Variants in FSTL5 observed in about 807,000 individuals in gnomAD.
FSTL5 encodes follistatin like 5.
FSTL5 carries 62 observed loss-of-function variants against 89.1 expected under a neutral mutation model. That is an observed-to-expected ratio of 0.70 (90% CI 0.57 to 0.86). The LOEUF is 0.86. Among genes scored for constraint, FSTL5 ranks in the 40% least tolerant of loss-of-function variants. The pLI is 0.00. For missense variants in FSTL5, 1,057 were observed against 1,001.6 expected, an observed-to-expected ratio of 1.06 and a Z score of -0.75; for synonymous variants, 383 against 346.2, an observed-to-expected ratio of 1.11 and a Z score of -1.18.
intron 6 of FSTL5, among the ~76,000 whole-genome samples, chr4:161,685,120 T>C (rs1560788762): frequency 2.0e-5 from 3 of 152,196 alleles, no homozygotes; most frequent in Non-Finnish European, 2.9e-5. Flanking sequence ...CCTATTTTTA[T>C]ACCAGTAACA....
At chr4:161,681,739 A>T (rs545774933) in intron 6 of FSTL5, among the ~76,000 whole-genome samples, 112 of 152,268 alleles carry the variant, frequency 7.4e-4, no homozygotes, top group Non-Finnish European at 1.4e-3. Context: ...ACCTAAATTT[A>T]ATTTAATAAA....
At chr4:161,396,317 T>C (rs1264334443) in intron 15 of FSTL5, among the ~76,000 whole-genome samples, 1 of 151,886 alleles carries the variant, frequency 6.6e-6, no homozygotes, top group Non-Finnish European at 1.5e-5. Context: ...GCAACAAGAA[T>C]ATTTCTTTAA....
chr4:161,596,240 T>C (rs902219614), intron 7 of FSTL5, among the ~76,000 whole-genome samples: 1 of 151,856 alleles, frequency 6.6e-6, no homozygotes, highest in South Asian at 2.1e-4. Context: ...TTAAATAATA[T>C]GTTTAATTTG....
At chr4:161,655,769 T>C (rs1736494056) in intron 7 of FSTL5, among the ~76,000 whole-genome samples, 1 of 152,052 alleles carries the variant, frequency 6.6e-6, no homozygotes, top group South Asian at 2.1e-4. Flanking sequence ...AAGCGTTCTG[T>C]AAGATAATAG....
intron 4 of FSTL5, among the ~76,000 whole-genome samples, chr4:161,816,063 G>A (rs1197825387): frequency 6.6e-6 from 1 of 152,180 alleles, no homozygotes; most frequent in African/African-American, 2.4e-5. Flanking sequence ...GTGGGCTAGA[G>A]TAATGTGAAT....
At chr4:162,115,346 T>G (rs1234228154) in intron 1 of FSTL5, among the ~76,000 whole-genome samples, 1 of 152,220 alleles carries the variant, frequency 6.6e-6, no homozygotes, top group Non-Finnish European at 1.5e-5. Flanking sequence ...AATATATCAT[T>G]ATTATATCTT....
At chr4:161,418,357 A>T (rs891735955) in intron 15 of FSTL5, among the ~76,000 whole-genome samples, 1 of 152,222 alleles carries the variant, frequency 6.6e-6, no homozygotes, top group African/African-American at 2.4e-5. Flanking sequence ...AACAGATGAT[A>T]ATCATACAAA....
chr4:161,915,535 CAT>C (rs1345117105), intron 4 of FSTL5, among the ~76,000 whole-genome samples: 4 of 151,930 alleles, frequency 2.6e-5, no homozygotes, highest in African/African-American at 4.8e-5. Context: ...GGCAGGTAAA[CAT>C]ATAAAATATG....
chr4:161,652,128 A>T (rs778077203), intron 7 of FSTL5, among the ~76,000 whole-genome samples: 12 of 152,250 alleles, frequency 7.9e-5, no homozygotes, highest in Non-Finnish European at 1.3e-4. Context: ...GTAAACAGTT[A>T]AGTATCTCTT....
At chr4:161,876,368 A>T (rs1163474077) in intron 4 of FSTL5, among the ~76,000 whole-genome samples, 1 of 152,234 alleles carries the variant, frequency 6.6e-6, no homozygotes, top group African/African-American at 2.4e-5. Flanking sequence ...GGAAACATTA[A>T]GTAAAGAGAA....
At chr4:161,588,773 G>T (rs1292932247) in intron 7 of FSTL5, among the ~76,000 whole-genome samples, 6 of 152,124 alleles carry the variant, frequency 3.9e-5, no homozygotes, top group African/African-American at 1.4e-4. Context: ...TGGTGGCCTT[G>T]AACCAGCCTC....
chr4:161,488,506 TAGAG>T (rs1729754542), intron 12 of FSTL5, among the ~76,000 whole-genome samples: 2 of 152,022 alleles, frequency 1.3e-5, no homozygotes, highest in African/African-American at 2.4e-5. Context: ...AATAGTGTAT[TAGAG>T]AGGTTAAAAA....
chr4:161,759,961 C>T (rs1036467668), intron 5 of FSTL5, among the ~76,000 whole-genome samples: 1 of 152,028 alleles, frequency 6.6e-6, no homozygotes, highest in Admixed American at 6.6e-5. Flanking sequence ...TTTGTCCCAA[C>T]TTTCTTCCTC....
At chr4:161,461,460 C>CAAAA (rs58371125) in intron 13 of FSTL5, among the ~76,000 whole-genome samples, 4 of 45,372 alleles carry the variant, frequency 8.8e-5, no homozygotes, top group African/African-American at 3.8e-4. Context: ...GACTCCGTCT[C>CAAAA]AAAAAAAAAA....
chr4:161,404,706 T>TAA (rs1014393874), intron 15 of FSTL5, among the ~76,000 whole-genome samples: 1 of 143,634 alleles, frequency 7.0e-6, no homozygotes, highest in East Asian at 2.0e-4. Flanking sequence ...AAAAGTGACT[T>TAA]AAAAAAAAAA....
At chr4:162,034,763 T>G (rs1737667292) in intron 2 of FSTL5, among the ~76,000 whole-genome samples, 1 of 152,054 alleles carries the variant, frequency 6.6e-6, no homozygotes, top group Non-Finnish European at 1.5e-5. Flanking sequence ...AGTAGGAAAA[T>G]ATAAAGAACT....
At chr4:161,573,891 G>A (rs921745258) in intron 8 of FSTL5, among the ~76,000 whole-genome samples, 1 of 152,100 alleles carries the variant, frequency 6.6e-6, no homozygotes, top group African/African-American at 2.4e-5. Flanking sequence ...TTATATTCTG[G>A]AGGCCAGAAG....
In FSTL5 at chr4:161,415,756, T is replaced by C. The variant is rs148403495; in HGVS notation, c.1842-29307A>G. Among the ~76,000 whole-genome samples, 135 of 147,514 alleles carry C rather than the reference T, an allele frequency of 9.2e-4. 1 individual carries two copies. The highest frequency in any genetic ancestry group is 3.1e-3 in the African/African-American group (127 of 40,462). On this transcript the variant is annotated intron_variant, in intron 15 of 15. Coordinates refer to ENST00000306100, the MANE Select transcript of FSTL5 (RefSeq NM_020116.5). ...TATATGTATGATATATATACACATA[T>C]ATATCATACATATAGGGGATATATA...
At chr4:161,728,955 T>C (rs6840807) in intron 6 of FSTL5, among the ~76,000 whole-genome samples, 114,360 of 152,018 alleles carry the variant, frequency 0.75, 45,186 homozygotes, top group Non-Finnish European at 0.87. Flanking sequence ...TGTAGCTACC[T>C]TATCACTAAT....
Sources: allele counts gnomAD v4.1 joint callset (sites outside exome capture counted in the v4.1 genomes callset), GRCh38; gene constraint gnomAD v4.1.1; transcripts MANE v1.5; gene names NCBI Gene and HGNC (gene_info 2026-07-23, HGNC 2026-07-21).